The following CDH12 variants were observed in gnomAD, a reference collection of about 807,000 sequenced individuals.
CDH12 encodes cadherin 12, also known as cadherin-12.
CDH12 carries 41 observed loss-of-function variants against 74.1 expected under a neutral mutation model. That is an observed-to-expected ratio of 0.55 (90% CI 0.43 to 0.72). The LOEUF (loss-of-function observed/expected upper bound fraction) is 0.72, where lower values mean the gene tolerates loss of function less well. Ranked by LOEUF, CDH12 falls within the 30% of genes least tolerant of loss-of-function variation. CDH12 has a pLI of 0.00. For missense variants in CDH12, 945 were observed against 977.2 expected (o/e 0.97, Z 0.44); for synonymous variants, 399 against 355.0 (o/e 1.12, Z -1.39).
At chr5:22,220,338 T>G (rs541779590) in intron 3 of CDH12, among the ~76,000 whole-genome samples, 12 of 151,804 alleles carry the variant, frequency 7.9e-5, no homozygotes, top group African/African-American at 2.9e-4. Context: ...ACTAATGCAT[T>G]TTATTGATTA....
chr5:22,062,931 A>G (rs551585311), intron 5 of CDH12, among the ~76,000 whole-genome samples: 1 of 152,296 alleles, frequency 6.6e-6, no homozygotes, highest in East Asian at 1.9e-4. Flanking sequence ...CTGCATGATG[A>G]AAACTCCATT....
At chr5:22,443,693 G>A (rs1016643842) in intron 2 of CDH12, among the ~76,000 whole-genome samples, 1 of 151,962 alleles carries the variant, frequency 6.6e-6, no homozygotes, top group African/African-American at 2.4e-5. Flanking sequence ...TCAATCAATG[G>A]TTAGAAAAAA....
At chr5:22,763,154 C>T (rs1746312808) in intron 1 of CDH12, among the ~76,000 whole-genome samples, 1 of 151,892 alleles carries the variant, frequency 6.6e-6, no homozygotes, top group African/African-American at 2.4e-5. Flanking sequence ...AACGGAACAT[C>T]ATGGTAATTT....
At chr5:21,955,135 T>C (rs1437036985) in intron 6 of CDH12, among the ~76,000 whole-genome samples, 1 of 152,042 alleles carries the variant, frequency 6.6e-6, no homozygotes, top group Non-Finnish European at 1.5e-5. Flanking sequence ...TTAATTTCTT[T>C]GATCCACATT....
intron 6 of CDH12, among the ~76,000 whole-genome samples, chr5:21,907,607 T>G (rs941581890): frequency 6.6e-6 from 1 of 152,220 alleles, no homozygotes; most frequent in African/African-American, 2.4e-5. Flanking sequence ...GTCCCAGCTC[T>G]ACCCCGGGAG....
At chr5:22,353,869 C>A (rs964281274) in intron 3 of CDH12, among the ~76,000 whole-genome samples, 7 of 152,268 alleles carry the variant, frequency 4.6e-5, no homozygotes, top group Non-Finnish European at 1.0e-4. Flanking sequence ...CAAGTGTCTG[C>A]AACCCTGGTA....
intron 4 of CDH12, among the ~76,000 whole-genome samples, chr5:22,134,294 G>T: frequency 6.6e-6 from 1 of 152,060 alleles, no homozygotes; most frequent in Non-Finnish European, 1.5e-5. Flanking sequence ...TTGAGCTATG[G>T]GCTATTAGCT....
intron 1 of CDH12, among the ~76,000 whole-genome samples, chr5:22,511,326 T>A (rs1329173209): frequency 6.6e-6 from 1 of 152,184 alleles, no homozygotes; most frequent in Admixed American, 6.5e-5. Context: ...TGTCATTGAC[T>A]ATGAGAAAAT....
chr5:22,434,647 G>A (rs1744306963), intron 2 of CDH12, among the ~76,000 whole-genome samples: 1 of 151,958 alleles, frequency 6.6e-6, no homozygotes, highest in Non-Finnish European at 1.5e-5. Context: ...GCACAATCTT[G>A]CAGACTTTTA....
intron 3 of CDH12, among the ~76,000 whole-genome samples, chr5:22,270,461 G>A (rs1361597205): frequency 1.3e-5 from 2 of 151,712 alleles, no homozygotes; most frequent in African/African-American, 2.4e-5. Context: ...CAGGCATGGC[G>A]GCACATGCCT....
At chr5:21,984,227 T>C (rs1489590389) in intron 5 of CDH12, among the ~76,000 whole-genome samples, 3 of 152,078 alleles carry the variant, frequency 2.0e-5, no homozygotes, top group African/African-American at 7.2e-5. Context: ...AGATATTCGG[T>C]TGGGGGTGTT....
intron 1 of CDH12, among the ~76,000 whole-genome samples, chr5:22,825,426 T>C (rs1236575937): frequency 6.6e-6 from 1 of 152,062 alleles, no homozygotes; most frequent in Non-Finnish European, 1.5e-5. Context: ...GATATTTAAA[T>C]AAAGATCCGA....
intron 5 of CDH12, among the ~76,000 whole-genome samples, chr5:22,066,286 A>G (rs530508430): frequency 2.0e-4 from 31 of 152,136 alleles, no homozygotes; most frequent in African/African-American, 7.0e-4. Flanking sequence ...ACTGAACCCA[A>G]TTTTTAGTCT....
At chr5:22,023,569 TTC>T (rs79396717) in intron 5 of CDH12, among the ~76,000 whole-genome samples, 2 of 150,586 alleles carry the variant, frequency 1.3e-5, no homozygotes, top group African/African-American at 4.9e-5. Flanking sequence ...CACACGAATA[TTC>T]TCTCTCTCTA....
intron 2 of CDH12, among the ~76,000 whole-genome samples, chr5:22,415,532 C>T (rs1281601238): frequency 6.6e-6 from 1 of 152,152 alleles, no homozygotes; most frequent in Non-Finnish European, 1.5e-5. Context: ...CTCTTTCTTG[C>T]TGTTTTGGGA....
chr5:22,493,094 C>T (rs1162330916), intron 2 of CDH12, among the ~76,000 whole-genome samples: 1 of 152,104 alleles, frequency 6.6e-6, no homozygotes, highest in Non-Finnish European at 1.5e-5. Flanking sequence ...TTTTTACTTC[C>T]CATTGTAAAT....
intron 3 of CDH12, among the ~76,000 whole-genome samples, chr5:22,260,506 T>C (rs925328995): frequency 5.3e-5 from 8 of 152,036 alleles, no homozygotes; most frequent in African/African-American, 1.9e-4. Flanking sequence ...ATGTTTTAAA[T>C]GATTTTTTAG....
chr5:22,619,766 T>C (rs1241860997), intron 1 of CDH12, among the ~76,000 whole-genome samples: 2 of 152,044 alleles, frequency 1.3e-5, no homozygotes, highest in Non-Finnish European at 2.9e-5. Flanking sequence ...ACTGGTACTA[T>C]GCTTCCCCCA....
At chr5:21,839,762 T>A (rs2149982772) in intron 8 of CDH12, among the ~76,000 whole-genome samples, 1 of 152,288 alleles carries the variant, frequency 6.6e-6, no homozygotes, top group South Asian at 2.1e-4. Context: ...TTTTGACTGT[T>A]TATGCAAATG....
Sources: allele counts gnomAD v4.1 joint callset (sites outside exome capture counted in the v4.1 genomes callset), GRCh38; gene constraint gnomAD v4.1.1; transcripts MANE v1.5; gene names NCBI Gene and HGNC (gene_info 2026-07-23, HGNC 2026-07-21).